SLC12A3: variants seen among roughly 807,000 people sequenced by gnomAD.
SLC12A3 encodes solute carrier family 12 member 3.
In SLC12A3, 104 loss-of-function variants were observed where a neutral mutation model predicts 121.0. The observed-to-expected ratio is 0.86, with a 90% confidence interval of 0.73 to 1.01. SLC12A3 has a LOEUF of 1.01. Ranked by LOEUF, SLC12A3 falls within the 50% of genes least tolerant of loss-of-function variation. The pLI is 0.00. For missense variants in SLC12A3, 1,328 were observed against 1,356.3 expected, an observed-to-expected ratio of 0.98 and a Z score of 0.33; for synonymous variants, 536 against 533.4, an observed-to-expected ratio of 1.00 and a Z score of -0.07.
At chr16:56,892,860 C>G (rs1567441600) in intron 20 of SLC12A3, 93 bp from the exon 21 acceptor site, 1 of 972,804 alleles carries the variant, frequency 1.0e-6, no homozygotes, top group Non-Finnish European at 1.6e-6. Flanking sequence ...AACCCGTGTT[C>G]AACATCAGAA....
In SLC12A3 at chr16:56,865,259, G is replaced by A. The variant is rs751696220; in HGVS notation, c.24G>A (p.Glu8=). The A allele has an allele frequency of 6.2e-7, 1 of 1,613,766 alleles. No individual in the cohort carries two copies. Among genetic ancestry groups the A allele is most frequent in the South Asian group, 1.1e-5 (1 of 91,088 alleles). The change falls in exon 1 of 26, where the codon GAG becomes GAA. Residue 8 remains glutamate, a synonymous_variant. Transcript: ENST00000563236. ...CAATGGCAGAACTGCCCACAACAGA[G>A]ACGCCTGGGGACGCCACTTTGTGCA... is the stretch of plus-strand genomic sequence containing the variant. MAELPTT[E]TPGDATLCSG... is the part of the protein sequence containing the mutation.
At position 56,892,941 on chromosome 16, in the gene SLC12A3, C is replaced by T. The variant is rs2055409294; in HGVS notation, c.2420-12C>T. 3.7e-6 allele frequency: 6 copies of T among 1,611,914 alleles called. No individual in the cohort carries two copies. The highest frequency in any genetic ancestry group is 1.3e-5 in the African/African-American group (1 of 74,924). ...TGCTGGCTCTGCTCTGACCCGCCCC[C>T]ACCTCCTGCAGTGGACCCCAAGGCC... On this transcript the variant is annotated splice_polypyrimidine_tract_variant and intron_variant, in intron 20 of 25. Coordinates refer to ENST00000563236, the MANE Select transcript of SLC12A3 (RefSeq NM_001126108.2).
intron 8 of SLC12A3, among the ~76,000 whole-genome samples, chr16:56,877,764 G>T (rs62035949): frequency 0.16 from 24,407 of 152,198 alleles, 2,337 homozygotes; most frequent in Middle Eastern, 0.23. Context: ...TGGCCAAGTG[G>T]CCTCTGTGGC....
At chr16:56,882,648 A>T in intron 13 of SLC12A3, 151 bp downstream of exon 13, 1 of 710,102 alleles carries the variant, frequency 1.4e-6, no homozygotes, top group Non-Finnish European at 2.6e-6. Context: ...TAATATAATA[A>T]TAGCAGCTCT....
intron 11 of SLC12A3, 53 bp from the exon 12 acceptor site, chr16:56,880,077 A>G: frequency 6.3e-7 from 1 of 1,593,604 alleles, no homozygotes; most frequent in Non-Finnish European, 8.5e-7. Context: ...GCCCCAGGGG[A>G]GGGGAAGTGG....
chr16:56,901,976 C>G lies in SLC12A3; in HGVS notation c.2721-397C>G, dbSNP rs942389534. On this transcript the variant is annotated intron_variant, in intron 23 of 25. Transcript: ENST00000563236. ...GCCTTCCCCACCCATTATTCTCTGT[C>G]CCAGTACTTGGTTGTCCCTTCATAA... Among the ~76,000 whole-genome samples the G allele has an allele frequency of 7.9e-5, 12 of 152,312 alleles. No homozygotes were observed. In the East Asian group the frequency reaches 2.1e-3, roughly 27 times the overall value.
At chr16:56,869,312 T>C (rs2079743492) in intron 3 of SLC12A3, among the ~76,000 whole-genome samples, 1 of 152,178 alleles carries the variant, frequency 6.6e-6, no homozygotes, top group Non-Finnish European at 1.5e-5. Flanking sequence ...ATTCAGAGTA[T>C]GACAGGAGGT....
intron 25 of SLC12A3, chr16:56,904,762 A>G (rs143098787): frequency 3.0e-5 from 12 of 398,462 alleles, no homozygotes; most frequent in African/African-American, 2.5e-4. Context: ...TCCACTTGGC[A>G]AAGAGGGAAC....
At chr16:56,885,718 G>T (rs1437688476) in intron 15 of SLC12A3, among the ~76,000 whole-genome samples, 1 of 152,172 alleles carries the variant, frequency 6.6e-6, no homozygotes, top group Non-Finnish European at 1.5e-5. Flanking sequence ...TCTTTGTAGA[G>T]GAGGTTTATG....
Position 56,870,237 on chromosome 16 carries a change from T to G in SLC12A3, c.741+2T>G. On this transcript the variant is annotated splice_donor_variant, in intron 5 of 25. Coordinates refer to ENST00000563236, the MANE Select transcript of SLC12A3 (RefSeq NM_001126108.2). LOFTEE classifies it high-confidence loss of function. The stretch of plus-strand genomic sequence containing the variant: ...GAGACCGTGCGGGACCTGCTCCAGG[T>G]GAGGCCGGGGGGCTGGACCCTGGGT... The G allele has an allele frequency of 6.2e-7, 1 of 1,612,686 alleles. No individual in the cohort carries two copies. Among genetic ancestry groups the G allele is most frequent in the Non-Finnish European group, 8.5e-7 (1 of 1,179,928 alleles).
Position 56,885,298 on chromosome 16 carries a change from C to T in SLC12A3, c.1859C>T (p.Ser620Phe), listed in dbSNP as rs1190573836. Residue 620 changes from serine to phenylalanine, a missense_variant, in exon 15 of 26, where the codon TCC (serine) becomes TTC (phenylalanine). Coordinates refer to ENST00000563236, the MANE Select transcript of SLC12A3 (RefSeq NM_001126108.2). ...VNWGSSVQAG[S>F]YNLALSYSVG... ...TGGGGCTCCTCGGTACAGGCTGGCT[C>T]CTACAACCTGGCCCTCAGCTACTCG... 4.5e-6 allele frequency: 7 copies of T among 1,555,100 alleles called. No homozygotes were observed. In the African/African-American group the frequency reaches 6.8e-5, roughly 15 times the overall value.
At chr16:56,890,129 T>A in intron 18 of SLC12A3, 145 bp from the exon 19 acceptor site, 2 of 713,624 alleles carry the variant, frequency 2.8e-6, no homozygotes, top group Non-Finnish European at 2.5e-6. Context: ...CTGTACAGGA[T>A]ACAGATGGGG....
intron 3 of SLC12A3, among the ~76,000 whole-genome samples, chr16:56,869,392 G>T (rs901360029): frequency 1.3e-5 from 2 of 151,986 alleles, no homozygotes; most frequent in Admixed American, 6.6e-5. Context: ...CAGTCGCGTG[G>T]TCTCGGCTCA....
rs140363569 is a variant in SLC12A3, at chr16:56,886,405, C to T, written c.1967C>T (p.Pro656Leu). The T allele has an allele frequency of 2.7e-4, 429 of 1,614,134 alleles. No individual in the cohort carries two copies. The highest frequency in any genetic ancestry group is 3.4e-4 in the Non-Finnish European group (397 of 1,180,030). The change falls in exon 16 of 26, where the codon CCG (proline) becomes CTG (leucine). Residue 656 changes from proline (P) to leucine (L), a missense_variant. Transcript: ENST00000563236. ...CTCACGGGGCCCCCCAACTTCCGCC[C>T]GGCCCTGGTGGACTTTGTGGGCACC... is the stretch of plus-strand genomic sequence containing the variant. ...LVLTGPPNFR[P>L]ALVDFVGTFT... is the part of the protein sequence containing the mutation.
At position 56,899,518 on chromosome 16, in the gene SLC12A3, T is replaced by A; in HGVS notation, c.2634-12T>A. 2 of 1,604,616 alleles carry A rather than the reference T, an allele frequency of 1.2e-6. No individual in the cohort carries two copies. Among genetic ancestry groups the A allele is most frequent in the Non-Finnish European group, 1.7e-6 (2 of 1,171,288 alleles). ...AAAAGTAATAACAATAAACCCTCCA[T>A]GTGTCCTCCAGGATCATTTCTCTGC... is the stretch of plus-strand genomic sequence containing the variant. On this transcript the variant is annotated splice_polypyrimidine_tract_variant and intron_variant, in intron 22 of 25. Coordinates refer to ENST00000563236, the MANE Select transcript of SLC12A3 (RefSeq NM_001126108.2).
intron 8 of SLC12A3, among the ~76,000 whole-genome samples, chr16:56,873,926 G>T (rs557973367): frequency 6.6e-6 from 1 of 152,112 alleles, no homozygotes; most frequent in Admixed American, 6.5e-5. Flanking sequence ...TGGCCAGGCT[G>T]GTCTCGATCT....
chr16:56,889,914 C>T (rs1385441854), intron 18 of SLC12A3, among the ~76,000 whole-genome samples: 2 of 152,200 alleles, frequency 1.3e-5, no homozygotes, highest in Non-Finnish European at 2.9e-5. Context: ...GGGCAAGTTA[C>T]TCTCCAAAAC....
At chr16:56,872,619 C>A (rs764713806) in intron 7 of SLC12A3, 37 bp from the exon 8 acceptor site, 1 of 1,614,020 alleles carries the variant, frequency 6.2e-7, no homozygotes, top group Non-Finnish European at 8.5e-7. Context: ...GTCAAGCCCT[C>A]CAGGTGAGCC....
At chr16:56,906,948 A>C in intron 25 of SLC12A3, 1 of 388,786 alleles carries the variant, frequency 2.6e-6, no homozygotes, top group Non-Finnish European at 4.8e-6. Flanking sequence ...ATCACAGCCA[A>C]AGGAGTAAAG....
Sources: allele counts gnomAD v4.1 joint callset (sites outside exome capture counted in the v4.1 genomes callset), GRCh38; gene constraint gnomAD v4.1.1; transcripts MANE v1.5; gene names NCBI Gene and HGNC (gene_info 2026-07-23, HGNC 2026-07-21).